Variants in ANKRD31 observed in about 807,000 individuals in gnomAD.
ANKRD31 encodes the protein ankyrin repeat domain-containing protein 31.
Under a neutral mutation model 186.0 loss-of-function variants are expected in ANKRD31, and 147 were observed. The observed-to-expected ratio is 0.79, with a 90% CI of 0.69 to 0.91. The LOEUF is 0.91. Ranked by LOEUF, ANKRD31 falls within the 40% of genes least tolerant of loss-of-function variation. The pLI, the probability that ANKRD31 is intolerant of heterozygous loss-of-function variation, is 0.00. For missense variants in ANKRD31, 1,986 were observed against 2,148.8 expected (o/e 0.92, Z 1.50); for synonymous variants, 673 against 736.4 (o/e 0.91, Z 1.39).
At chr5:75,198,209 A>C (rs974593631) in intron 6 of ANKRD31, among the ~76,000 whole-genome samples, 4 of 152,256 alleles carry the variant, frequency 2.6e-5, no homozygotes, top group African/African-American at 9.6e-5. Context: ...CTGCCCCCTT[A>C]AACCTGTTCC....
At position 75,222,239 on chromosome 5, in the gene ANKRD31, T is replaced by C. The variant is rs904127856; in HGVS notation, c.288+10A>G. ...TTAATGAGTATGTATTCAATCAACATGCTACACACCTGTAATATTGTATCC... is the reference window on the plus strand; with the variant it reads ...TTAATGAGTATGTATTCAATCAACACGCTACACACCTGTAATATTGTATCC... On this transcript the variant is annotated intron_variant, in intron 3 of 25. Transcript: ENST00000506364. 10 of 1,517,902 alleles carry C rather than the reference T, an allele frequency of 6.6e-6. No homozygotes were observed. The African/African-American group carries it at 1.4e-4, about 21-fold the overall frequency. The allele number at this position is 1,517,902 out of a possible 1,614,324, so 94.0% of individuals were successfully genotyped here.
Position 75,144,433 on chromosome 5 carries a change from T to C in ANKRD31, c.3425-262A>G, listed in dbSNP as rs535620215. ...GTTAGGTTTCCTGATGCTCAATAAATACTATATTAAAAAGCAACAGAAAGA... is the reference window on the plus strand; with the variant it reads ...GTTAGGTTTCCTGATGCTCAATAAACACTATATTAAAAAGCAACAGAAAGA... On this transcript the variant is annotated intron_variant, in intron 14 of 25. Transcript: ENST00000506364. Among the ~76,000 whole-genome samples, 26 of 152,160 alleles carry C rather than the reference T, an allele frequency of 1.7e-4. No individual in the cohort carries two copies. In the East Asian group the frequency reaches 4.3e-3, roughly 25 times the overall value.
intron 21 of ANKRD31, among the ~76,000 whole-genome samples, chr5:75,106,451 A>G (rs1390026173): frequency 6.6e-6 from 1 of 152,146 alleles, no homozygotes; most frequent in Non-Finnish European, 1.5e-5. Context: ...AGCAAGAAGA[A>G]GGATTCATAT....
chr5:75,210,981 G>T (rs1285460027), intron 3 of ANKRD31, 116 bp from the exon 4 acceptor site: 2 of 679,720 alleles, frequency 2.9e-6, no homozygotes, highest in Non-Finnish European at 4.6e-6. Context: ...TTCTTTTTAT[G>T]GTGGTAAAAT....
chr5:75,148,511 A>G (rs1183931857), intron 13 of ANKRD31, 65 bp downstream of exon 13: 10 of 1,155,298 alleles, frequency 8.7e-6, no homozygotes, highest in Non-Finnish European at 1.1e-5. Flanking sequence ...CTTCCCTTTG[A>G]CAATCTATGA....
intron 17 of ANKRD31, among the ~76,000 whole-genome samples, chr5:75,136,751 C>T (rs956714604): frequency 2.6e-5 from 4 of 152,164 alleles, no homozygotes; most frequent in African/African-American, 9.7e-5. Context: ...ATAGCAAAGA[C>T]TTGGAACCAA....
chr5:75,113,456 T>C (rs113740136), intron 19 of ANKRD31, among the ~76,000 whole-genome samples: 36 of 152,214 alleles, frequency 2.4e-4, no homozygotes, highest in Non-Finnish European at 4.3e-4. Flanking sequence ...TTGTACATTA[T>C]ATTTCCTCAT....
At chr5:75,093,209 G>A (rs139159707) in intron 22 of ANKRD31, among the ~76,000 whole-genome samples, 232 of 152,234 alleles carry the variant, frequency 1.5e-3, no homozygotes, top group South Asian at 4.2e-3. Context: ...GGCCGGGCAC[G>A]GTGGCTCACA....
At chr5:75,121,489 A>C (rs973976222) in intron 17 of ANKRD31, among the ~76,000 whole-genome samples, 1 of 152,192 alleles carries the variant, frequency 6.6e-6, no homozygotes, top group Non-Finnish European at 1.5e-5. Context: ...CATTCTATCC[A>C]ACATCGCAGA....
rs536941695 is a variant in ANKRD31 at position 75,119,334 on chromosome 5, T to G, written c.3877-1037A>C. Reference sequence around the variant, plus strand: ...GTACCCAATGTTTAGCTTGCACTTATAAGTGAGAACATGTGGAATTTGATT... The same window carrying G: ...GTACCCAATGTTTAGCTTGCACTTAGAAGTGAGAACATGTGGAATTTGATT... On this transcript the variant is annotated intron_variant, in intron 17 of 25. Coordinates refer to ENST00000506364, the MANE Select transcript of ANKRD31 (RefSeq NM_001372053.1). Among the ~76,000 whole-genome samples, 7 of 152,344 alleles carry G rather than the reference T, an allele frequency of 4.6e-5. No individual in the cohort carries two copies. In the East Asian group the frequency reaches 1.4e-3, roughly 29 times the overall value.
chr5:75,080,548 A>G lies in ANKRD31; in HGVS notation c.5647+20T>C, dbSNP rs771935848. On this transcript the variant is annotated intron_variant, in intron 25 of 25. Coordinates refer to ENST00000506364, the MANE Select transcript of ANKRD31 (RefSeq NM_001372053.1). ...CACTTATAAAAGTAAATGGAATTGAATATTTTCTTTTTTTTTTACCTTGTC... is the reference window on the plus strand; with the variant it reads ...CACTTATAAAAGTAAATGGAATTGAGTATTTTCTTTTTTTTTTACCTTGTC... 1.4e-6 allele frequency: 2 copies of G among 1,474,312 alleles called. No homozygotes were observed. Among genetic ancestry groups the G allele is most frequent in the South Asian group, 1.3e-5 (1 of 79,968 alleles). The allele number at this position is 1,474,312 out of a possible 1,614,324, so 91.3% of individuals were successfully genotyped here. A position where few individuals can be genotyped will look rare whatever the true frequency, so the allele number is the denominator to read the frequency against.
intron 10 of ANKRD31, among the ~76,000 whole-genome samples, chr5:75,176,091 G>C (rs1034139701): frequency 6.6e-6 from 1 of 152,168 alleles, no homozygotes; most frequent in Non-Finnish European, 1.5e-5. Context: ...ATTATATCCC[G>C]CACATGGCTC....
intron 22 of ANKRD31, among the ~76,000 whole-genome samples, chr5:75,096,575 A>C (rs1450382581): frequency 6.6e-6 from 1 of 152,134 alleles, no homozygotes; most frequent in African/African-American, 2.4e-5. Flanking sequence ...TTTCATCATG[A>C]AATCTTTACC....
intron 21 of ANKRD31, among the ~76,000 whole-genome samples, 185 bp from the exon 22 acceptor site, chr5:75,105,403 A>G (rs1472318023): frequency 6.6e-6 from 1 of 152,002 alleles, no homozygotes; most frequent in Non-Finnish European, 1.5e-5. Flanking sequence ...TTGACGCAAA[A>G]TATTTCCTTT....
In ANKRD31 at chr5:75,081,661, T is replaced by C. The variant is rs573675855; in HGVS notation, c.5576-1022A>G. On this transcript the variant is annotated intron_variant, in intron 24 of 25. Coordinates refer to ENST00000506364, the MANE Select transcript of ANKRD31 (RefSeq NM_001372053.1). Reference sequence around the variant, plus strand: ...TTTGGTTTTCCTTCAAGTGTGTGTTTGGGGTGGGTGGTGGGGAGGAGGCAG... The same window carrying C: ...TTTGGTTTTCCTTCAAGTGTGTGTTCGGGGTGGGTGGTGGGGAGGAGGCAG... Among the ~76,000 whole-genome samples the C allele has an allele frequency of 2.9e-4, 43 of 150,508 alleles. No homozygotes were observed. In the Middle Eastern group the frequency reaches 0.021, roughly 72 times the overall value.
In ANKRD31 at chr5:75,071,243, C is replaced by A. The variant is rs1047759614; in HGVS notation, c.5648-2579G>T. ...ACTAAAATGAAGTTTTGAGGTAACT[C>A]ATTTTTGTAACTTTTCAAAATATTA... On this transcript the variant is annotated intron_variant, in intron 25 of 25. Transcript: ENST00000506364. Among the ~76,000 whole-genome samples the A allele has an allele frequency of 2.7e-5, 4 of 149,912 alleles. 1 individual carries two copies. Among genetic ancestry groups the A allele is most frequent in the South Asian group, 4.2e-4 (2 of 4,766 alleles).
intron 24 of ANKRD31, among the ~76,000 whole-genome samples, chr5:75,083,387 A>G (rs1314074559): frequency 1.3e-5 from 2 of 152,174 alleles, no homozygotes; most frequent in East Asian, 3.8e-4. Flanking sequence ...TCAAACAAAT[A>G]TACATATGTC....
rs188955622 is a variant in ANKRD31, at chr5:75,210,795, C to A, written c.326+33G>T. ...ATGTGCAAAATGACAAAAATACCTA[C>A]AACATAATGAAGCCAAAAATTAGTA... On this transcript the variant is annotated intron_variant, in intron 4 of 25. Coordinates refer to ENST00000506364, the MANE Select transcript of ANKRD31 (RefSeq NM_001372053.1). The A allele has an allele frequency of 1.5e-3, 2,199 of 1,435,176 alleles. 13 individuals are homozygous for A. Among genetic ancestry groups the A allele is most frequent in the South Asian group, 0.012 (816 of 70,398 alleles). 88.9% of individuals were successfully genotyped at this position (1,435,176 alleles called of 1,614,324 possible).
chr5:75,075,993 A>C (rs1744607756), intron 25 of ANKRD31, among the ~76,000 whole-genome samples: 2 of 152,152 alleles, frequency 1.3e-5, no homozygotes, highest in South Asian at 4.1e-4. Context: ...ACTTGTTCTT[A>C]CATATTAAGC....
Sources: gnomAD v4.1 joint callset for allele counts (sites outside exome capture counted in the v4.1 genomes callset) on GRCh38, gnomAD v4.1.1 for gene constraint, MANE v1.5 for transcripts, NCBI Gene and HGNC (gene_info 2026-07-23, HGNC 2026-07-21) for gene names.